ASNS: variants seen among roughly 807,000 people sequenced by gnomAD.
ASNS encodes the protein asparagine synthetase (glutamine-hydrolyzing).
Under a neutral mutation model 62.6 loss-of-function variants are expected in ASNS, and 37 were observed. That is an observed-to-expected ratio of 0.59 (90% confidence interval 0.45 to 0.78). The LOEUF is 0.78. Among genes scored for constraint, ASNS ranks in the 30% least tolerant of loss-of-function variants. ASNS has a pLI of 0.00. For synonymous variants in ASNS, 207 were observed against 237.9 expected, an observed-to-expected ratio of 0.87 and a Z score of 1.19; for missense variants, 520 against 682.4, an observed-to-expected ratio of 0.76 and a Z score of 2.65.
chr7:97,896,944 TG>T, the ASNS span, among the ~76,000 whole-genome samples: 1 of 150,992 alleles, frequency 6.6e-6, no homozygotes, highest in South Asian at 2.1e-4. Context: ...CTTCATTAAA[TG>T]GTGCCAGGAA....
At chr7:97,888,141 T>C in the ASNS span, among the ~76,000 whole-genome samples, 2 of 152,120 alleles carry the variant, frequency 1.3e-5, no homozygotes, top group Non-Finnish European at 2.9e-5. Context: ...GCCTGGCTAA[T>C]TTTTTTATTC....
the ASNS span, among the ~76,000 whole-genome samples, chr7:97,901,830 T>G: frequency 1.3e-5 from 2 of 151,988 alleles, no homozygotes; most frequent in Non-Finnish European, 2.9e-5. Context: ...ATACAAAAAT[T>G]AGCCAGACAT....
At chr7:97,909,960 G>A in the ASNS span, among the ~76,000 whole-genome samples, 2 of 152,162 alleles carry the variant, frequency 1.3e-5, no homozygotes, top group Non-Finnish European at 2.9e-5. Context: ...GTTCCACTGA[G>A]CACCCACTGA....
intron 4 of ASNS, among the ~76,000 whole-genome samples, chr7:97,862,792 T>A (rs13437661): frequency 1.3e-5 from 2 of 151,804 alleles, no homozygotes; most frequent in African/African-American, 4.8e-5. Context: ...AAGTCTATTA[T>A]GTTTTTAAAA....
chr7:97,927,748 T>C, the ASNS span, among the ~76,000 whole-genome samples: 11 of 151,876 alleles, frequency 7.2e-5, no homozygotes, highest in Non-Finnish European at 1.6e-4. Flanking sequence ...AGAACTGTCC[T>C]CCTTCTCCCG....
chr7:97,898,660 A>G, the ASNS span: 1 of 667,130 alleles, frequency 1.5e-6, no homozygotes, highest in Non-Finnish European at 2.8e-6. Flanking sequence ...GCTGAGCATA[A>G]GAGGTCTTCA....
the ASNS span, among the ~76,000 whole-genome samples, chr7:97,880,565 TAC>T: frequency 6.6e-6 from 1 of 152,184 alleles, no homozygotes; most frequent in African/African-American, 2.4e-5. Flanking sequence ...TTTCAATATG[TAC>T]AGTCCTGGGC....
the ASNS span, among the ~76,000 whole-genome samples, chr7:97,884,291 G>A: frequency 6.6e-6 from 1 of 152,220 alleles, no homozygotes; most frequent in Non-Finnish European, 1.5e-5. Flanking sequence ...GCTCACGCCT[G>A]TAATCTCAGC....
intron 1 of ASNS, among the ~76,000 whole-genome samples, chr7:97,870,803 G>A (rs1792218790): frequency 1.3e-5 from 2 of 152,192 alleles, no homozygotes; most frequent in South Asian, 2.1e-4. Flanking sequence ...ACGCTGCTTA[G>A]TGAATCCCTG....
chr7:97,853,356 A>G lies in ASNS; in HGVS notation c.1269T>C (p.His423=). 6.2e-7 allele frequency: 1 copy of G among 1,612,996 alleles called. No homozygotes were observed. Among genetic ancestry groups the G allele is most frequent in the Non-Finnish European group, 8.5e-7 (1 of 1,179,904 alleles). Residue 423 remains histidine (H), a synonymous_variant, in exon 11 of 13, where the codon CAT becomes CAC. Coordinates refer to ENST00000394308, the MANE Select transcript of ASNS (RefSeq NM_001673.5). ...GLELRVPFLD[H]RFSSYYLSLP... ...GAGACAAGTAATAGGAAGAAAATCG[A>G]TGATCTAGAAATGGGACTCTCAGTT...
chr7:97,921,404 C>T, the ASNS span, among the ~76,000 whole-genome samples: 5 of 152,206 alleles, frequency 3.3e-5, no homozygotes, highest in African/African-American at 9.7e-5. Flanking sequence ...CAGCCACAGA[C>T]AATATGCACT....
intron 4 of ASNS, among the ~76,000 whole-genome samples, chr7:97,862,343 G>T (rs1031293432): frequency 2.1e-4 from 32 of 152,150 alleles, no homozygotes; most frequent in Non-Finnish European, 4.0e-4. Context: ...CTAGGTGAAA[G>T]AAGCCAGTCT....
chr7:97,918,579 T>G, the ASNS span, among the ~76,000 whole-genome samples: 1 of 152,172 alleles, frequency 6.6e-6, no homozygotes, highest in African/African-American at 2.4e-5. Flanking sequence ...AAAGAATAAA[T>G]ATAGCATTAT....
At chr7:97,861,545 A>G (rs1401714893) in intron 4 of ASNS, among the ~76,000 whole-genome samples, 4 of 152,146 alleles carry the variant, frequency 2.6e-5, no homozygotes, top group Non-Finnish European at 1.5e-5. Context: ...TGTCAGTATT[A>G]TATTGTCCTT....
At chr7:97,896,711 TACAC>T in the ASNS span, among the ~76,000 whole-genome samples, 472 of 44,146 alleles carry the variant, frequency 0.011, 39 homozygotes, top group Middle Eastern at 0.05. Context: ...TGTATATATA[TACAC>T]ACACACACAC....
chr7:97,860,130 T>C (rs1448985531), intron 4 of ASNS, among the ~76,000 whole-genome samples: 1 of 152,150 alleles, frequency 6.6e-6, no homozygotes, highest in Non-Finnish European at 1.5e-5. Context: ...TGAATTCAAA[T>C]ACCAGAAAAA....
the ASNS span, among the ~76,000 whole-genome samples, chr7:97,887,763 G>T: frequency 6.6e-6 from 1 of 152,220 alleles, no homozygotes; most frequent in South Asian, 2.1e-4. Flanking sequence ...GGAGTGACTT[G>T]TTATGCAGCA....
intron 12 of ASNS, 39 bp from the exon 13 acceptor site, chr7:97,852,507 T>C: frequency 6.3e-7 from 1 of 1,578,052 alleles, no homozygotes; most frequent in Non-Finnish European, 8.7e-7. Flanking sequence ...TGGCTTAAAA[T>C]GGCAGGAAAT....
At position 97,859,093 on chromosome 7, in the gene ASNS, C is replaced by T; in HGVS notation, c.673+120G>A. 2.1e-6 allele frequency: 3 copies of T among 1,409,816 alleles called. No homozygotes were observed. The Admixed American group carries it at 6.7e-5, about 32-fold the overall frequency. The allele number at this position is 1,409,816 out of a possible 1,614,324, so 87.3% of individuals were successfully genotyped here. On this transcript the variant is annotated intron_variant, in intron 5 of 12. Coordinates refer to ENST00000394308, the MANE Select transcript of ASNS (RefSeq NM_001673.5). Reference sequence around the variant, plus strand: ...GAGTGTGCCAAATCTTAATGTGTTCCCTCCAAACAAAATAGGAAGTAGGTC... The same window carrying T: ...GAGTGTGCCAAATCTTAATGTGTTCTCTCCAAACAAAATAGGAAGTAGGTC...
Sources: gnomAD v4.1 joint callset for allele counts (sites outside exome capture counted in the v4.1 genomes callset) on GRCh38, gnomAD v4.1.1 for gene constraint, MANE v1.5 for transcripts, NCBI Gene and HGNC (gene_info 2026-07-23, HGNC 2026-07-21) for gene names.